Variants in EDDM13 observed in about 807,000 individuals in gnomAD.
The protein encoded by EDDM13 is epididymal protein 13.
Under a neutral mutation model 17.8 loss-of-function variants are expected in EDDM13, and 24 were observed. The observed-to-expected ratio is 1.35, with a 90% CI of 0.98 to 1.90. The LOEUF is 1.90. EDDM13 is among the 40% of genes most tolerant of loss of function. The pLI is 0.00. For missense variants in EDDM13, 97 were observed against 100.8 expected (o/e 0.96, Z 0.16); for synonymous variants, 31 against 37.5 (o/e 0.83, Z 0.63).
intron 12 of EDDM13, among the ~76,000 whole-genome samples, chr19:56,300,570 G>A (rs1460269048): frequency 2.0e-5 from 3 of 152,308 alleles, no homozygotes; most frequent in South Asian, 4.1e-4. Context: ...AATGCTGGCC[G>A]CAGGCTTACT....
chr19:56,303,195 C>T (rs1600239077), intron 13 of EDDM13, among the ~76,000 whole-genome samples: 1 of 152,068 alleles, frequency 6.6e-6, no homozygotes, highest in African/African-American at 2.4e-5. Context: ...AAACTACAAG[C>T]CAGGCCGGGC....
Position 56,272,759 on chromosome 19 carries a change from C to T in EDDM13, c.-76C>T, listed in dbSNP as rs902300509. The stretch of plus-strand genomic sequence containing the variant: ...GGGCAGTTAGTTTTGTCCCTGGAGC[C>T]TGGGAAGACGGTGGGTGACCAGAGA... On this transcript the variant is annotated 5_prime_UTR_variant, in exon 1 of 15. Transcript: ENST00000649256. 3 of 553,092 alleles carry T rather than the reference C, an allele frequency of 5.4e-6. No individual in the cohort carries two copies. Among genetic ancestry groups the T allele is most frequent in the Non-Finnish European group, 6.9e-6 (3 of 435,246 alleles). 34.3% of individuals were successfully genotyped at this position (553,092 alleles called of 1,614,324 possible). A position where few individuals can be genotyped will look rare whatever the true frequency, so the allele number is the denominator to read the frequency against.
intron 9 of EDDM13, among the ~76,000 whole-genome samples, chr19:56,291,754 C>T (rs996273934): frequency 1.3e-5 from 2 of 151,756 alleles, no homozygotes; most frequent in Non-Finnish European, 2.9e-5. Flanking sequence ...TTTTTTTAAA[C>T]TCAAGAACTG....
chr19:56,291,237 C>T (rs1317444831), intron 9 of EDDM13, among the ~76,000 whole-genome samples: 1 of 152,190 alleles, frequency 6.6e-6, no homozygotes, highest in Non-Finnish European at 1.5e-5. Context: ...TCCTCAAGCT[C>T]CCTCCTGACC....
At chr19:56,302,181 G>A (rs756203384) in intron 13 of EDDM13, 86 bp downstream of exon 13, 49 of 1,056,972 alleles carry the variant, frequency 4.6e-5, no homozygotes, top group Non-Finnish European at 5.7e-5. Flanking sequence ...AGCGAAGGAG[G>A]GTGCCTCAGA....
intron 6 of EDDM13, chr19:56,286,418 A>T (rs370067749): frequency 1.1e-4 from 16 of 152,074 alleles, no homozygotes; most frequent in African/African-American, 3.4e-4. Flanking sequence ...TGCTGCATCT[A>T]TGCACCGCCA....
Position 56,302,083 on chromosome 19 carries a change from C to T in EDDM13, c.411C>T (p.Asn137=). 8.1e-7 allele frequency: 1 copy of T among 1,231,754 alleles called. No individual in the cohort carries two copies. Among genetic ancestry groups the T allele is most frequent in the Non-Finnish European group, 1.0e-6 (1 of 988,038 alleles). The allele number at this position is 1,231,754 out of a possible 1,614,324, so 76.3% of individuals were successfully genotyped here. ...TGACCTACCTCTTCGTATCCTACAACAAAGGGGACTGGGTAAGAAGAAGGC... is the reference window on the plus strand; with the variant it reads ...TGACCTACCTCTTCGTATCCTACAATAAAGGGGACTGGGTAAGAAGAAGGC... ...MVMTYLFVSY[N]KGDWCYCHYC... is the part of the protein sequence containing the mutation. Residue 137 remains asparagine, a synonymous_variant, in exon 13 of 15, where the codon AAC becomes AAT. Coordinates refer to ENST00000649256, the MANE Select transcript of EDDM13 (RefSeq NM_001354658.2).
intron 6 of EDDM13, among the ~76,000 whole-genome samples, chr19:56,287,494 C>T (rs140066650): frequency 6.6e-6 from 1 of 152,266 alleles, no homozygotes; most frequent in East Asian, 1.9e-4. Context: ...CTCCCATCCC[C>T]CCAAGTCCAC....
chr19:56,290,243 G>C (rs1238576909), intron 8 of EDDM13, among the ~76,000 whole-genome samples: 4 of 152,218 alleles, frequency 2.6e-5, no homozygotes, highest in Non-Finnish European at 4.4e-5. Context: ...GATAAAGTAG[G>C]ACTCAGCAGA....
intron 2 of EDDM13, among the ~76,000 whole-genome samples, chr19:56,276,399 T>C (rs1240091250): frequency 6.6e-6 from 1 of 152,048 alleles, no homozygotes; most frequent in Non-Finnish European, 1.5e-5. Flanking sequence ...CAGATCTCCA[T>C]TAGAATAACA....
chr19:56,277,672 T>C (rs888293281), intron 2 of EDDM13, among the ~76,000 whole-genome samples: 1 of 152,110 alleles, frequency 6.6e-6, no homozygotes, highest in South Asian at 2.1e-4. Context: ...AATTGCATGG[T>C]ATGTGAATTA....
chr19:56,302,451 T>C (rs1339894486), intron 13 of EDDM13, among the ~76,000 whole-genome samples: 3 of 133,640 alleles, frequency 2.2e-5, no homozygotes, highest in Non-Finnish European at 4.8e-5. Flanking sequence ...TTTCTTCCTC[T>C]CTCCGTCTGC....
intron 9 of EDDM13, among the ~76,000 whole-genome samples, chr19:56,293,805 C>T (rs148288874): frequency 2.0e-5 from 3 of 152,162 alleles, no homozygotes; most frequent in East Asian, 1.9e-4. Context: ...GGGGGAGTCT[C>T]GAGATGTTGC....
intron 11 of EDDM13, among the ~76,000 whole-genome samples, chr19:56,297,233 A>T (rs1368841949): frequency 1.3e-5 from 2 of 152,126 alleles, no homozygotes; most frequent in Non-Finnish European, 2.9e-5. Flanking sequence ...GGATCCAGGG[A>T]CACAGGGAGA....
intron 12 of EDDM13, among the ~76,000 whole-genome samples, chr19:56,301,168 A>C (rs763186914): frequency 5.5e-4 from 83 of 152,230 alleles, no homozygotes; most frequent in Non-Finnish European, 3.4e-4. Context: ...TTATTAAGAA[A>C]GTAAAGGAAT....
intron 8 of EDDM13, among the ~76,000 whole-genome samples, chr19:56,289,334 T>G (rs1324449177): frequency 6.6e-6 from 1 of 152,182 alleles, no homozygotes; most frequent in East Asian, 1.9e-4. Flanking sequence ...ACCCCATTCA[T>G]TCCTCCAAAG....
At chr19:56,275,499 C>T (rs865971382) in intron 1 of EDDM13, among the ~76,000 whole-genome samples, 5 of 152,094 alleles carry the variant, frequency 3.3e-5, no homozygotes, top group South Asian at 2.1e-4. Context: ...GGGAGGCCAA[C>T]GCAAGAGGAT....
chr19:56,303,994 A>T (rs992973467), intron 13 of EDDM13, among the ~76,000 whole-genome samples: 3 of 152,176 alleles, frequency 2.0e-5, no homozygotes, highest in African/African-American at 4.8e-5. Flanking sequence ...GGTCCAGGTC[A>T]TGTAAGGTTC....
rs377736368 is a variant in EDDM13, at chr19:56,299,139, A to AT, written c.295+1618dup. 9.0e-3 allele frequency among the ~76,000 whole-genome samples: 1,344 copies of AT among 150,044 alleles called. 23 individuals carry two copies. Among genetic ancestry groups the AT allele is most frequent in the African/African-American group, 0.031 (1,280 of 41,000 alleles). The stretch of plus-strand genomic sequence containing the variant: ...ATGGTAAGATTTTACAGCTTACATT[A>AT]TTTTTTTTTTGAGACACGGTCTAGC... On this transcript the variant is annotated intron_variant, in intron 12 of 14. Coordinates refer to ENST00000649256, the MANE Select transcript of EDDM13 (RefSeq NM_001354658.2).
Sources: gnomAD v4.1 joint callset for allele counts (sites outside exome capture counted in the v4.1 genomes callset) on GRCh38, gnomAD v4.1.1 for gene constraint, MANE v1.5 for transcripts, NCBI Gene and HGNC (gene_info 2026-07-23, HGNC 2026-07-21) for gene names.